The following SV2C variants were observed in gnomAD, a reference collection of about 807,000 sequenced individuals.
SV2C encodes the protein solute carrier family 22 member B3.
Under a neutral mutation model 79.7 loss-of-function variants are expected in SV2C, and 49 were observed. The ratio of observed to expected loss-of-function variants is 0.61; its 90% CI spans 0.49 to 0.78. The LOEUF is 0.78. Ranked by LOEUF, SV2C falls within the 30% of genes least tolerant of loss-of-function variation. SV2C has a pLI of 0.00. For synonymous variants in SV2C, 334 were observed against 333.2 expected (o/e 1.00, Z -0.03); for missense variants, 833 against 912.9 (o/e 0.91, Z 1.13).
chr5:75,889,208 C>T, the SV2C span, among the ~76,000 whole-genome samples: 1 of 151,128 alleles, frequency 6.6e-6, no homozygotes, highest in South Asian at 2.1e-4. Context: ...GGTTTTAAGC[C>T]CCACGTGCAT....
At chr5:76,065,319 C>A in the SV2C span, among the ~76,000 whole-genome samples, 1 of 152,142 alleles carries the variant, frequency 6.6e-6, no homozygotes, top group South Asian at 2.1e-4. Context: ...TAAAATATTT[C>A]TTTTTAAACA....
At chr5:76,046,275 C>A in the SV2C span, among the ~76,000 whole-genome samples, 1 of 151,882 alleles carries the variant, frequency 6.6e-6, no homozygotes, top group African/African-American at 2.4e-5. Flanking sequence ...GCCACCCCAT[C>A]ACTGTACCAT....
At chr5:76,008,670 G>A in the SV2C span, among the ~76,000 whole-genome samples, 17 of 152,104 alleles carry the variant, frequency 1.1e-4, no homozygotes, top group African/African-American at 2.4e-5. Context: ...AGTTATGGCA[G>A]GAGCCTACCA....
At chr5:75,848,657 CTGTG>C in the SV2C span, among the ~76,000 whole-genome samples, 31 of 152,170 alleles carry the variant, frequency 2.0e-4, no homozygotes, top group African/African-American at 7.5e-4. Flanking sequence ...TAGTTCATAC[CTGTG>C]TGGGTCAGCC....
At chr5:75,970,402 A>G in the SV2C span, among the ~76,000 whole-genome samples, 1 of 152,126 alleles carries the variant, frequency 6.6e-6, no homozygotes, top group Admixed American at 6.5e-5. Flanking sequence ...TTTTGAAAAG[A>G]TCAACACTAT....
At chr5:75,881,877 G>C in the SV2C span, among the ~76,000 whole-genome samples, 4 of 146,574 alleles carry the variant, frequency 2.7e-5, no homozygotes, top group African/African-American at 1.0e-4. Flanking sequence ...TCTTGTGCCA[G>C]TTTTCAAAGG....
chr5:75,902,618 A>G, the SV2C span, among the ~76,000 whole-genome samples: 1 of 152,190 alleles, frequency 6.6e-6, no homozygotes, highest in East Asian at 1.9e-4. Flanking sequence ...TAATTTCCAA[A>G]CTGTGAAATC....
At chr5:76,184,211 A>T (rs1431870007) in intron 2 of SV2C, among the ~76,000 whole-genome samples, 1 of 152,176 alleles carries the variant, frequency 6.6e-6, no homozygotes, top group Non-Finnish European at 1.5e-5. Flanking sequence ...AGCTCTTCAG[A>T]TGATTCCAGT....
chr5:76,030,289 T>TTTTTTTTTATTTA, the SV2C span, among the ~76,000 whole-genome samples: 124 of 117,882 alleles, frequency 1.1e-3, 2 homozygotes, highest in African/African-American at 4.4e-3. Flanking sequence ...TTTTTTTTTT[T>TTTTTTTTTATTTA]TTTATTTATT....
chr5:76,122,295 A>G (rs1748534611), intron 1 of SV2C, among the ~76,000 whole-genome samples: 3 of 151,584 alleles, frequency 2.0e-5, no homozygotes, highest in Admixed American at 2.0e-4. Context: ...TTTTCTAGAT[A>G]TACAATCATG....
chr5:75,884,180 A>G, the SV2C span, among the ~76,000 whole-genome samples: 1 of 152,254 alleles, frequency 6.6e-6, no homozygotes, highest in South Asian at 2.1e-4. Context: ...GTGAGCATCA[A>G]CTTTTGAGAA....
chr5:75,922,872 A>G, the SV2C span, among the ~76,000 whole-genome samples: 1 of 152,250 alleles, frequency 6.6e-6, no homozygotes, highest in African/African-American at 2.4e-5. Context: ...AGAGCAAGAA[A>G]TAAACCTTTG....
the SV2C span, among the ~76,000 whole-genome samples, chr5:76,053,845 CATGT>C: frequency 2.6e-5 from 4 of 152,046 alleles, no homozygotes; most frequent in Non-Finnish European, 4.4e-5. Flanking sequence ...TAAGAAGGTC[CATGT>C]ATCTGCCCTA....
the SV2C span, among the ~76,000 whole-genome samples, chr5:75,931,658 A>C: frequency 6.6e-6 from 1 of 152,230 alleles, no homozygotes; most frequent in Non-Finnish European, 1.5e-5. Context: ...GAAAGAGAGC[A>C]AGTTCAAAGC....
chr5:76,213,222 T>TA (rs1172680187), intron 4 of SV2C, among the ~76,000 whole-genome samples: 1 of 152,226 alleles, frequency 6.6e-6, no homozygotes, highest in Non-Finnish European at 1.5e-5. Flanking sequence ...AAATTAAAAT[T>TA]AAAAATGAAA....
intron 6 of SV2C, among the ~76,000 whole-genome samples, chr5:76,288,083 C>CAAAAAAAAAAA (rs36124813): frequency 1.2e-5 from 1 of 82,586 alleles, no homozygotes; most frequent in African/African-American, 4.3e-5. Context: ...GACTCCATCT[C>CAAAAAAAAAAA]AAAAAAAAAA....
the SV2C span, among the ~76,000 whole-genome samples, chr5:76,049,071 C>T: frequency 1.3e-5 from 2 of 149,740 alleles, no homozygotes; most frequent in African/African-American, 4.9e-5. Context: ...GGCGCGGTGG[C>T]TCATGCCTAT....
chr5:75,907,180 G>A, the SV2C span, among the ~76,000 whole-genome samples: 1 of 152,188 alleles, frequency 6.6e-6, no homozygotes, highest in African/African-American at 2.4e-5. Flanking sequence ...TAGATGATGG[G>A]TGGTCTCCAA....
chr5:76,121,865 T>A (rs1298191329), intron 1 of SV2C, among the ~76,000 whole-genome samples: 1 of 151,908 alleles, frequency 6.6e-6, no homozygotes, highest in Non-Finnish European at 1.5e-5. Flanking sequence ...CTTTTTTGGT[T>A]CCATATGAAC....
Sources: gnomAD v4.1 joint callset for allele counts (sites outside exome capture counted in the v4.1 genomes callset) on GRCh38, gnomAD v4.1.1 for gene constraint, MANE v1.5 for transcripts, NCBI Gene and HGNC (gene_info 2026-07-23, HGNC 2026-07-21) for gene names.